SETD3: variants seen among roughly 807,000 people sequenced by gnomAD.
SETD3 encodes the protein actin-histidine N-methyltransferase.
SETD3 carries 19 observed loss-of-function variants against 63.0 expected under a neutral mutation model. The observed-to-expected ratio is 0.30, with a 90% CI of 0.21 to 0.44. The LOEUF (loss-of-function observed/expected upper bound fraction) is 0.44. Ranked by LOEUF, SETD3 falls within the 20% of genes least tolerant of loss-of-function variation. SETD3 has a pLI of 1.00. For missense variants in SETD3, 587 were observed against 728.5 expected, an observed-to-expected ratio of 0.81 and a Z score of 2.24; for synonymous variants, 286 against 264.1, an observed-to-expected ratio of 1.08 and a Z score of -0.80.
chr14:99,422,943 G>A lies in SETD3; in HGVS notation c.676-9009C>T, dbSNP rs115164706. 9.3e-3 allele frequency among the ~76,000 whole-genome samples: 1,422 copies of A among 152,300 alleles called. 27 individuals are homozygous for A. The highest frequency in any genetic ancestry group is 0.032 in the African/African-American group (1,347 of 41,558). On this transcript the variant is annotated intron_variant, in intron 6 of 12. Transcript: ENST00000331768. ...GAGGGTTTGTGGACACCAGCAAGTC[G>A]CAGATGCACTGGCTCTGCTCCTCCA...
At chr14:99,416,176 G>A (rs1595165358) in intron 6 of SETD3, among the ~76,000 whole-genome samples, 3 of 151,926 alleles carry the variant, frequency 2.0e-5, no homozygotes, top group Admixed American at 2.0e-4. Context: ...AATTGAACAA[G>A]GATAAGACAA....
intron 6 of SETD3, among the ~76,000 whole-genome samples, chr14:99,449,750 G>A (rs969948852): frequency 2.0e-5 from 3 of 152,216 alleles, no homozygotes; most frequent in Admixed American, 6.5e-5. Context: ...ATCGTACCAC[G>A]GTTGACTTCC....
In SETD3 at chr14:99,413,041, C is replaced by G; in HGVS notation, c.759G>C (p.Thr253=). Residue 253 remains threonine, a synonymous_variant, in exon 8 of 13, where the codon ACG becomes ACC. Transcript: ENST00000331768. ...CCTCTGTGGGAATTTGGTTTTGCCTCGTCATAACAGAAGAGACTGCCCACC... is the reference window on the plus strand; with the variant it reads ...CCTCTGTGGGAATTTGGTTTTGCCTGGTCATAACAGAAGAGACTGCCCACC... ...DYRWAVSSVM[T]RQNQIPTEDG... is the part of the protein sequence containing the mutation. 1.9e-6 allele frequency: 3 copies of G among 1,613,048 alleles called. No homozygotes were observed. Among genetic ancestry groups the G allele is most frequent in the Non-Finnish European group, 2.5e-6 (3 of 1,179,126 alleles).
At chr14:99,455,236 A>G (rs1295841450) in intron 6 of SETD3, among the ~76,000 whole-genome samples, 1 of 152,006 alleles carries the variant, frequency 6.6e-6, no homozygotes, top group Non-Finnish European at 1.5e-5. Context: ...CCCTCCCATC[A>G]CTCAAATGCT....
At chr14:99,463,369 A>C (rs1895182588) in intron 3 of SETD3, 117 bp downstream of exon 3, 1 of 753,716 alleles carries the variant, frequency 1.3e-6, no homozygotes, top group East Asian at 2.7e-5. Context: ...GCCCCAGTAC[A>C]AGACCTTTCA....
intron 1 of SETD3, chr14:99,478,859 T>C (rs1225884555): frequency 2.0e-5 from 3 of 152,212 alleles, no homozygotes; most frequent in Admixed American, 6.5e-5. Flanking sequence ...GTGGTTAAGC[T>C]TTAAATAGGA....
chr14:99,459,196 AAAT>A lies in SETD3; in HGVS notation c.346-14_346-12del. 2 of 1,591,440 alleles carry A rather than the reference AAAT, an allele frequency of 1.3e-6. No individual in the cohort carries two copies. Among genetic ancestry groups the A allele is most frequent in the Non-Finnish European group, 1.7e-6 (2 of 1,162,230 alleles). On this transcript the variant is annotated splice_polypyrimidine_tract_variant and intron_variant, in intron 4 of 12. Transcript: ENST00000331768. ...AAACAATTCTTCTGCCTAGGGAAAAAAATAATAATAGGAGAATCATCAAAACAC... is the reference window on the plus strand; with the variant it reads ...AAACAATTCTTCTGCCTAGGGAAAAAAATAATAGGAGAATCATCAAAACAC...
intron 8 of SETD3, among the ~76,000 whole-genome samples, chr14:99,408,940 A>C (rs1891827503): frequency 6.6e-6 from 1 of 152,190 alleles, no homozygotes; most frequent in South Asian, 2.1e-4. Flanking sequence ...CCAAGGCTGT[A>C]AGGACCCCAC....
chr14:99,430,094 G>A (rs1893091148), intron 6 of SETD3, among the ~76,000 whole-genome samples: 1 of 152,238 alleles, frequency 6.6e-6, no homozygotes. Context: ...AGCGTTTTCA[G>A]TAAGTTTCCC....
intron 9 of SETD3, among the ~76,000 whole-genome samples, chr14:99,406,176 A>T (rs926638663): frequency 6.0e-5 from 9 of 150,928 alleles, no homozygotes; most frequent in African/African-American, 1.7e-4. Flanking sequence ...TAAAGGCAAC[A>T]GTTTATGAAA....
intron 9 of SETD3, among the ~76,000 whole-genome samples, chr14:99,405,915 T>A (rs1286500342): frequency 1.3e-5 from 2 of 152,238 alleles, no homozygotes; most frequent in African/African-American, 4.8e-5. Context: ...AGGCAAGTAT[T>A]TTTCATTTTG....
chr14:99,426,708 G>A (rs1892901637), intron 6 of SETD3, among the ~76,000 whole-genome samples: 1 of 152,158 alleles, frequency 6.6e-6, no homozygotes, highest in African/African-American at 2.4e-5. Flanking sequence ...ACTGACCAAC[G>A]TGTAGATTCC....
chr14:99,471,251 G>A (rs1895687987), intron 1 of SETD3, among the ~76,000 whole-genome samples: 1 of 152,250 alleles, frequency 6.6e-6, no homozygotes, highest in African/African-American at 2.4e-5. Context: ...TCTTTGGATA[G>A]TATATTTGAA....
intron 6 of SETD3, among the ~76,000 whole-genome samples, chr14:99,452,272 A>C (rs1486477266): frequency 6.6e-6 from 1 of 152,140 alleles, no homozygotes; most frequent in Non-Finnish European, 1.5e-5. Flanking sequence ...ACACCTGGCT[A>C]ATTTTTGTAT....
intron 6 of SETD3, among the ~76,000 whole-genome samples, chr14:99,446,547 T>C (rs1566716373): frequency 6.6e-6 from 1 of 152,176 alleles, no homozygotes; most frequent in Non-Finnish European, 1.5e-5. Context: ...CCTTTAAGTC[T>C]GTATTCCATG....
intron 10 of SETD3, 35 bp downstream of exon 10, chr14:99,405,170 T>C (rs1372997508): frequency 6.3e-7 from 1 of 1,596,340 alleles, no homozygotes; most frequent in African/African-American, 1.3e-5. Context: ...GTTCAAGTAC[T>C]GCAAGAAAGG....
intron 1 of SETD3, among the ~76,000 whole-genome samples, chr14:99,469,751 A>AG (rs2139806657): frequency 6.6e-6 from 1 of 152,320 alleles, no homozygotes; most frequent in East Asian, 1.9e-4. Context: ...GACTAAAAAA[A>AG]AGAGAAACCT....
chr14:99,465,276 T>C (rs1371824099), intron 2 of SETD3, among the ~76,000 whole-genome samples: 4 of 152,200 alleles, frequency 2.6e-5, no homozygotes, highest in South Asian at 4.1e-4. Flanking sequence ...GTGAAGTACC[T>C]TCACACACCA....
chr14:99,466,061 G>A (rs935480556), intron 1 of SETD3, among the ~76,000 whole-genome samples: 6 of 151,744 alleles, frequency 4.0e-5, no homozygotes, highest in African/African-American at 1.5e-4. Flanking sequence ...AAAAACTATA[G>A]TAGAGCAAAT....
Sources: allele counts gnomAD v4.1 joint callset (sites outside exome capture counted in the v4.1 genomes callset), GRCh38; gene constraint gnomAD v4.1.1; transcripts MANE v1.5; gene names NCBI Gene and HGNC (gene_info 2026-07-23, HGNC 2026-07-21).